The following SH3PXD2B variants were observed in gnomAD, a reference collection of about 807,000 sequenced individuals.
SH3PXD2B encodes the protein SH3 and PX domains 2B, also known as SH3 and PX domain-containing protein 2B.
Under a neutral mutation model 73.1 loss-of-function variants are expected in SH3PXD2B, and 37 were observed. The observed-to-expected ratio is 0.51, with a 90% CI of 0.39 to 0.67. The LOEUF (loss-of-function observed/expected upper bound fraction) is 0.67. Among genes scored for constraint, SH3PXD2B ranks in the 30% least tolerant of loss-of-function variants. The pLI is 0.00. For synonymous variants in SH3PXD2B, 457 were observed against 480.5 expected, an observed-to-expected ratio of 0.95 and a Z score of 0.64; for missense variants, 1,053 against 1,197.8, an observed-to-expected ratio of 0.88 and a Z score of 1.78.
Position 172,439,692 on chromosome 5 carries a change from GCACACACACACA to G in SH3PXD2B, c.75+14574_75+14585del, listed in dbSNP as rs367799974. Among the ~76,000 whole-genome samples the G allele has an allele frequency of 8.0e-4, 111 of 138,624 alleles. No individual in the cohort carries two copies. The Middle Eastern group carries it at 0.011, about 13-fold the overall frequency. The allele number at this position is 138,624 out of a possible 152,430, so 90.9% of individuals were successfully genotyped here. ...TGTGCGTGCGTGCGCGCACGCGCGC[GCACACACACACA>G]CACACACACACACACACACACACAC... On this transcript the variant is annotated intron_variant, in intron 1 of 12. Transcript: ENST00000311601.
intron 11 of SH3PXD2B, 130 bp downstream of exon 11, chr5:172,347,153 C>T (rs1176835679): frequency 2.2e-6 from 2 of 910,044 alleles, no homozygotes; most frequent in Non-Finnish European, 3.5e-6. Context: ...CTACAGCCTG[C>T]TTCACAAGGC....
chr5:172,353,000 T>C (rs977837031), intron 9 of SH3PXD2B, among the ~76,000 whole-genome samples: 3 of 152,126 alleles, frequency 2.0e-5, no homozygotes, highest in Admixed American at 6.6e-5. Flanking sequence ...AAAGTCCCCA[T>C]GCATCCCTCC....
Position 172,426,476 on chromosome 5 carries a change from G to A in SH3PXD2B, c.76-3980C>T, listed in dbSNP as rs141189668. On this transcript the variant is annotated intron_variant, in intron 1 of 12. Coordinates refer to ENST00000311601, the MANE Select transcript of SH3PXD2B (RefSeq NM_001017995.3). Reference sequence around the variant, plus strand: ...CCAACACCTGGCACGCACTAGGAGTGCAACGTTCAGCTTCCCTCACAGTGG... The same window carrying A: ...CCAACACCTGGCACGCACTAGGAGTACAACGTTCAGCTTCCCTCACAGTGG... 1.6e-3 allele frequency among the ~76,000 whole-genome samples: 245 copies of A among 152,320 alleles called. 1 individual carries two copies. The highest frequency in any genetic ancestry group is 5.6e-3 in the African/African-American group (233 of 41,568).
At chr5:172,362,286 C>T (rs80053218) in intron 7 of SH3PXD2B, among the ~76,000 whole-genome samples, 1,570 of 152,262 alleles carry the variant, frequency 0.01, 38 homozygotes, top group African/African-American at 0.036. Flanking sequence ...CATTCTGTCC[C>T]AGACCCAGCC....
chr5:172,388,890 G>A (rs1758110958), intron 4 of SH3PXD2B, among the ~76,000 whole-genome samples: 1 of 152,208 alleles, frequency 6.6e-6, no homozygotes, highest in Non-Finnish European at 1.5e-5. Context: ...ACAAGGAAGA[G>A]CTGAACCTTC....
At chr5:172,376,413 G>C (rs1177837620) in intron 5 of SH3PXD2B, among the ~76,000 whole-genome samples, 1 of 152,204 alleles carries the variant, frequency 6.6e-6, no homozygotes, top group African/African-American at 2.4e-5. Context: ...TGCATTTCCT[G>C]ATGGATAATG....
rs1759892212 is a variant in SH3PXD2B at position 172,454,521 on chromosome 5, A to G, written c.-169T>C. The stretch of plus-strand genomic sequence containing the variant: ...CGCCGCCGCCCTTCGCTCGGCGCGC[A>G]CTCCAGCCGGGCCCAGCCGCCGCCG... On this transcript the variant is annotated 5_prime_UTR_variant, in exon 1 of 13. Transcript: ENST00000311601. 1 of 154,306 alleles carries G rather than the reference A, an allele frequency of 6.5e-6. No individual in the cohort carries two copies. The highest frequency in any genetic ancestry group is 1.3e-5 in the Non-Finnish European group (1 of 77,800). 9.6% of individuals were successfully genotyped at this position (154,306 alleles called of 1,614,324 possible).
chr5:172,330,074 T>C (rs1425485207), downstream of SH3PXD2B, among the ~76,000 whole-genome samples: 1 of 152,188 alleles, frequency 6.6e-6, no homozygotes, highest in East Asian at 1.9e-4. Context: ...TTTTTTTTCA[T>C]ATTTTGGAAT....
At chr5:172,397,515 G>A (rs1758330447) in intron 3 of SH3PXD2B, among the ~76,000 whole-genome samples, 1 of 152,092 alleles carries the variant, frequency 6.6e-6, no homozygotes, top group South Asian at 2.1e-4. Flanking sequence ...AGCTTGGGGG[G>A]CATCACAGAA....
In SH3PXD2B at chr5:172,371,747, G is replaced by A. The variant is rs115539717; in HGVS notation, c.427+2043C>T. On this transcript the variant is annotated intron_variant, in intron 6 of 12. Coordinates refer to ENST00000311601, the MANE Select transcript of SH3PXD2B (RefSeq NM_001017995.3). ...AAGCCCGTTCCGACTGGACATTTGT[G>A]TTTGTCACAAACCAGAGCTGTCTCT... Among the ~76,000 whole-genome samples the A allele has an allele frequency of 8.2e-3, 1,254 of 152,248 alleles. 12 individuals are homozygous for A. Among genetic ancestry groups the A allele is most frequent in the African/African-American group, 0.021 (891 of 41,540 alleles).
At chr5:172,404,345 T>C (rs910194887) in intron 3 of SH3PXD2B, among the ~76,000 whole-genome samples, 2 of 152,108 alleles carry the variant, frequency 1.3e-5, no homozygotes, top group African/African-American at 4.8e-5. Context: ...TTTCACTCTT[T>C]CACCCAGGCT....
chr5:172,385,759 C>G (rs925575880), intron 4 of SH3PXD2B, among the ~76,000 whole-genome samples: 4 of 152,230 alleles, frequency 2.6e-5, no homozygotes, highest in Non-Finnish European at 4.4e-5. Flanking sequence ...TGGTTTTGAG[C>G]TATGCCTAGG....
chr5:172,368,545 A>G, intron 6 of SH3PXD2B, among the ~76,000 whole-genome samples: 1 of 23,526 alleles, frequency 4.3e-5, no homozygotes, highest in Non-Finnish European at 6.0e-5. Flanking sequence ...TATATAAAAT[A>G]TATATATATT....
downstream of SH3PXD2B, among the ~76,000 whole-genome samples, chr5:172,329,540 C>CTTTT (rs370876232): frequency 7.8e-3 from 827 of 106,416 alleles, 72 homozygotes; most frequent in African/African-American, 0.016. Flanking sequence ...CTTTGTTATT[C>CTTTT]TTTTTTTTTT....
chr5:172,406,239 C>T (rs765700146), intron 3 of SH3PXD2B, 38 bp downstream of exon 3: 1 of 1,604,878 alleles, frequency 6.2e-7, no homozygotes, highest in Non-Finnish European at 8.5e-7. Flanking sequence ...GTAACAGAGC[C>T]CCCAGTGTCC....
At chr5:172,330,169 A>G (rs1756529083), downstream of SH3PXD2B, among the ~76,000 whole-genome samples, 1 of 152,172 alleles carries the variant, frequency 6.6e-6, no homozygotes, top group African/African-American at 2.4e-5. Flanking sequence ...TTTGAATGTC[A>G]TGCCATTGCT....
At chr5:172,427,075 C>T (rs1281722621) in intron 1 of SH3PXD2B, among the ~76,000 whole-genome samples, 2 of 152,128 alleles carry the variant, frequency 1.3e-5, no homozygotes, top group African/African-American at 4.8e-5. Context: ...TCACAAGAGG[C>T]CAAAGATGGA....
chr5:172,437,845 T>C (rs1191555770), intron 1 of SH3PXD2B, among the ~76,000 whole-genome samples: 1 of 152,108 alleles, frequency 6.6e-6, no homozygotes, highest in African/African-American at 2.4e-5. Flanking sequence ...GCTCCGCTTA[T>C]CCCTGTGTGC....
intron 3 of SH3PXD2B, among the ~76,000 whole-genome samples, chr5:172,403,423 C>T (rs998097058): frequency 6.6e-6 from 1 of 152,172 alleles, no homozygotes; most frequent in Non-Finnish European, 1.5e-5. Context: ...GCCTCACCCT[C>T]GGCCTTGAGG....
Sources: allele counts gnomAD v4.1 joint callset (sites outside exome capture counted in the v4.1 genomes callset), GRCh38; gene constraint gnomAD v4.1.1; transcripts MANE v1.5; gene names NCBI Gene and HGNC (gene_info 2026-07-23, HGNC 2026-07-21).